The following LHCGR variants were observed in gnomAD, a reference collection of about 807,000 sequenced individuals.
LHCGR encodes the protein luteinizing hormone/choriogonadotropin receptor, also known as lutropin-choriogonadotropic hormone receptor.
Under a neutral mutation model 60.7 loss-of-function variants are expected in LHCGR, and 55 were observed. The observed-to-expected ratio is 0.91, with a 90% CI of 0.73 to 1.13. The LOEUF (loss-of-function observed/expected upper bound fraction) is 1.13, where lower values mean the gene tolerates loss of function less well. Ranked by LOEUF, LHCGR falls within the 50% of genes most tolerant of loss-of-function variation. LHCGR has a pLI of 0.00. For missense variants in LHCGR, 862 were observed against 836.0 expected (o/e 1.03, Z -0.38); for synonymous variants, 337 against 316.5 (o/e 1.06, Z -0.69).
At chr2:48,716,959 A>T (rs1408463863) in intron 6 of LHCGR, among the ~76,000 whole-genome samples, 1 of 152,216 alleles carries the variant, frequency 6.6e-6, no homozygotes, top group African/African-American at 2.4e-5. Flanking sequence ...GCACTTTTAT[A>T]ACAAGCTCTC....
At chr2:48,699,498 T>G (rs981905236) in intron 8 of LHCGR, among the ~76,000 whole-genome samples, 2 of 152,158 alleles carry the variant, frequency 1.3e-5, no homozygotes, top group African/African-American at 2.4e-5. Context: ...TTACATCAGC[T>G]TTTGTGCTCT....
intron 1 of LHCGR, among the ~76,000 whole-genome samples, chr2:48,735,792 C>G (rs927100309): frequency 6.6e-6 from 1 of 152,166 alleles, no homozygotes; most frequent in Non-Finnish European, 1.5e-5. Flanking sequence ...CTGAGTTGCT[C>G]TCCTAGAATT....
intron 1 of LHCGR, among the ~76,000 whole-genome samples, chr2:48,734,463 A>G (rs1281770213): frequency 6.6e-6 from 1 of 152,216 alleles, no homozygotes; most frequent in Non-Finnish European, 1.5e-5. Context: ...ATGAAGAAAT[A>G]TGACCAACTT....
intron 8 of LHCGR, among the ~76,000 whole-genome samples, chr2:48,707,981 C>G (rs2104416633): frequency 6.6e-6 from 1 of 152,284 alleles, no homozygotes; most frequent in South Asian, 2.1e-4. Flanking sequence ...CTTGTGCTCC[C>G]TGGGTGAGGT....
chr2:48,730,431 T>G (rs151058345), intron 2 of LHCGR, among the ~76,000 whole-genome samples: 1 of 152,200 alleles, frequency 6.6e-6, no homozygotes, highest in Non-Finnish European at 1.5e-5. Flanking sequence ...TTTTAAATAT[T>G]CTAATTGCTT....
chr2:48,740,637 T>C (rs1186912013), intron 1 of LHCGR, among the ~76,000 whole-genome samples: 2 of 152,044 alleles, frequency 1.3e-5, no homozygotes, highest in Admixed American at 1.3e-4. Context: ...GGGTCCTGTC[T>C]GTTAGAAGGA....
chr2:48,731,280 A>G lies in LHCGR; in HGVS notation c.180T>C (p.Pro60=). 6.2e-7 allele frequency: 1 copy of G among 1,611,522 alleles called. No individual in the cohort carries two copies. Among genetic ancestry groups the G allele is most frequent in the Non-Finnish European group, 8.5e-7 (1 of 1,178,490 alleles). Reference sequence around the variant, plus strand: ...AAGCTTGAGATGGGATCACTTTGACAGGGAGGTAGGCAAGTGATCTAGAAA... The same window carrying G: ...AAGCTTGAGATGGGATCACTTTGACGGGGAGGTAGGCAAGTGATCTAGAAA... ...GLTRLSLAYL[P]VKVIPSQAFR... is the part of the protein sequence containing the mutation. The change falls in exon 2 of 11, where the codon CCT becomes CCC. Residue 60 remains proline (P), a synonymous_variant. Transcript: ENST00000294954.
At chr2:48,751,369 T>C (rs978416025) in intron 1 of LHCGR, among the ~76,000 whole-genome samples, 3 of 152,258 alleles carry the variant, frequency 2.0e-5, no homozygotes, top group African/African-American at 7.2e-5. Context: ...CCTTCTTCCT[T>C]GCTTCTCAGC....
chr2:48,746,061 A>G (rs969330599), intron 1 of LHCGR, among the ~76,000 whole-genome samples: 3 of 152,164 alleles, frequency 2.0e-5, no homozygotes, highest in Non-Finnish European at 4.4e-5. Flanking sequence ...AATCTAAAAA[A>G]TCTATGTTTA....
intron 1 of LHCGR, among the ~76,000 whole-genome samples, chr2:48,736,453 A>T (rs1317100771): frequency 6.6e-6 from 1 of 152,226 alleles, no homozygotes; most frequent in Admixed American, 6.5e-5. Context: ...GAAAATTTAC[A>T]GCATCCAGAT....
chr2:48,737,044 G>A (rs1056040685), intron 1 of LHCGR, among the ~76,000 whole-genome samples: 1 of 152,198 alleles, frequency 6.6e-6, no homozygotes, highest in Non-Finnish European at 1.5e-5. Context: ...AGGTGCAGAG[G>A]GAGAGAAGAG....
At chr2:48,729,870 G>C (rs1003038140) in intron 2 of LHCGR, among the ~76,000 whole-genome samples, 2 of 152,124 alleles carry the variant, frequency 1.3e-5, no homozygotes, top group African/African-American at 4.8e-5. Context: ...ATCCTTGGTG[G>C]CTTCATGTTG....
At chr2:48,712,945 G>A (rs894114307) in intron 7 of LHCGR, among the ~76,000 whole-genome samples, 1 of 152,046 alleles carries the variant, frequency 6.6e-6, no homozygotes, top group Non-Finnish European at 1.5e-5. Flanking sequence ...TATAATAGAG[G>A]CTTTGGTTAC....
chr2:48,741,523 T>C (rs1184079389), intron 1 of LHCGR, among the ~76,000 whole-genome samples: 3 of 151,044 alleles, frequency 2.0e-5, no homozygotes, highest in African/African-American at 7.3e-5. Flanking sequence ...CAGAAGAGAG[T>C]GGGGGCCAAT....
chr2:48,692,678 G>T (rs1201002957), intron 10 of LHCGR, among the ~76,000 whole-genome samples: 1 of 152,148 alleles, frequency 6.6e-6, no homozygotes, highest in Non-Finnish European at 1.5e-5. Context: ...AGAAAAGATG[G>T]GAATTTTAGG....
intron 6 of LHCGR, among the ~76,000 whole-genome samples, chr2:48,718,776 A>T (rs1668371761): frequency 6.6e-6 from 1 of 152,200 alleles, no homozygotes; most frequent in Admixed American, 6.5e-5. Flanking sequence ...GGCAGTGGTT[A>T]GATGGGTAAC....
intron 3 of LHCGR, among the ~76,000 whole-genome samples, chr2:48,728,087 GT>G (rs10533413): frequency 0.36 from 52,811 of 148,608 alleles, 9,433 homozygotes; most frequent in Middle Eastern, 0.5. Flanking sequence ...AACATTATGA[GT>G]TTTTTTTTTT....
rs146785679 is a variant in LHCGR, at chr2:48,688,128, C to G, written c.1669G>C (p.Glu557Gln). 1.9e-6 allele frequency: 3 copies of G among 1,613,950 alleles called. No homozygotes were observed. Among genetic ancestry groups the G allele is most frequent in the Non-Finnish European group, 2.5e-6 (3 of 1,180,018 alleles). The change falls in exon 11 of 11, where the codon GAA (glutamate) becomes CAA (glutamine). Residue 557 changes from glutamate (E) to glutamine (Q), a missense_variant. Glu to Gln is a conservative substitution (Grantham distance 29, BLOSUM62 2). Coordinates refer to ENST00000294954, the MANE Select transcript of LHCGR (RefSeq NM_000233.4). The surrounding 1 kb of genome is among the most constrained non-coding windows in gnomAD (Gnocchi z 5.2). ...GTATCTTTATTGGTAGCCATTAATTCTGGGTTTCGAACTGCAAAATAAATT... is the reference window on the plus strand; with the variant it reads ...GTATCTTTATTGGTAGCCATTAATTGTGGGTTTCGAACTGCAAAATAAATT... ...IKIYFAVRNP[E>Q]LMATNKDTKI...
intron 1 of LHCGR, among the ~76,000 whole-genome samples, chr2:48,745,126 C>G (rs1311743305): frequency 1.3e-5 from 2 of 152,180 alleles, no homozygotes; most frequent in African/African-American, 4.8e-5. Flanking sequence ...CAGAGAAATG[C>G]AAATCAAAAC....
Sources: gnomAD v4.1 joint callset for allele counts (sites outside exome capture counted in the v4.1 genomes callset) on GRCh38, gnomAD v4.1.1 for gene constraint, Gnocchi (gnomAD v3.1) non-coding constraint, MANE v1.5 for transcripts, NCBI Gene and HGNC (gene_info 2026-07-23, HGNC 2026-07-21) for gene names.